Variants in DLGAP1 observed in about 807,000 individuals in gnomAD.
DLGAP1 encodes the protein disks large-associated protein 1.
Under a neutral mutation model 90.8 loss-of-function variants are expected in DLGAP1, and 11 were observed. That is an observed-to-expected ratio of 0.12 (90% CI 0.08 to 0.20). The LOEUF is 0.20. DLGAP1 is among the 10% of genes least tolerant of loss of function. The pLI, the probability that DLGAP1 is intolerant of heterozygous loss-of-function variation, is 1.00. For synonymous variants in DLGAP1, 558 were observed against 540.7 expected, an observed-to-expected ratio of 1.03 and a Z score of -0.44; for missense variants, 1,050 against 1,333.8, an observed-to-expected ratio of 0.79 and a Z score of 3.31.
At chr18:4,145,007 G>A (rs558374940) in intron 2 of DLGAP1, among the ~76,000 whole-genome samples, 1 of 152,054 alleles carries the variant, frequency 6.6e-6, no homozygotes, top group African/African-American at 2.4e-5. Context: ...TAACATTTAC[G>A]TTTCTTTCAG....
intron 10 of DLGAP1, among the ~76,000 whole-genome samples, chr18:3,521,168 A>G (rs188327957): frequency 6.6e-6 from 1 of 152,096 alleles, no homozygotes; most frequent in Non-Finnish European, 1.5e-5. Flanking sequence ...TGTCTCCCCA[A>G]ATCTGTGTTC....
intron 5 of DLGAP1, among the ~76,000 whole-genome samples, chr18:3,768,462 T>C (rs543588139): frequency 1.3e-4 from 20 of 152,208 alleles, no homozygotes; most frequent in Non-Finnish European, 7.4e-5. Flanking sequence ...TAAAAATTTG[T>C]ATGGAAAGTC....
intron 2 of DLGAP1, among the ~76,000 whole-genome samples, chr18:4,033,683 G>A (rs2074836828): frequency 6.6e-6 from 1 of 150,854 alleles, no homozygotes. Context: ...TAATTCGGGT[G>A]AAAAATGGTA....
chr18:4,415,024 T>C (rs1195039211), intron 1 of DLGAP1, among the ~76,000 whole-genome samples: 1 of 142,166 alleles, frequency 7.0e-6, no homozygotes. Flanking sequence ...AATTGAAATA[T>C]ACATATATAT....
At chr18:3,993,289 C>A (rs1451722179) in intron 3 of DLGAP1, 2 of 151,970 alleles carry the variant, frequency 1.3e-5, no homozygotes, top group African/African-American at 4.8e-5. Context: ...ATGGAGAGGA[C>A]TCTTAGAAAA....
At chr18:3,791,843 T>C (rs576333658) in intron 5 of DLGAP1, among the ~76,000 whole-genome samples, 26 of 152,160 alleles carry the variant, frequency 1.7e-4, no homozygotes, top group African/African-American at 6.0e-4. Context: ...GCTCAGGAGG[T>C]TGAGGCTGCA....
intron 4 of DLGAP1, among the ~76,000 whole-genome samples, chr18:3,839,493 A>G (rs1049914291): frequency 6.6e-6 from 1 of 152,156 alleles, no homozygotes; most frequent in Non-Finnish European, 1.5e-5. Context: ...GTGATGGGAA[A>G]GACTTTGGCA....
chr18:4,289,728 A>C (rs896338262), intron 1 of DLGAP1, among the ~76,000 whole-genome samples: 14 of 152,180 alleles, frequency 9.2e-5, no homozygotes, highest in Non-Finnish European at 1.9e-4. Context: ...TTAATGTTTA[A>C]ATTTTAAATT....
At chr18:4,384,695 G>A (rs559626358) in intron 1 of DLGAP1, among the ~76,000 whole-genome samples, 1 of 151,776 alleles carries the variant, frequency 6.6e-6, no homozygotes, top group Admixed American at 6.6e-5. Flanking sequence ...CCGACCAATC[G>A]AGAAAGACTA....
intron 1 of DLGAP1, among the ~76,000 whole-genome samples, chr18:4,347,680 T>C (rs994569308): frequency 6.6e-6 from 1 of 152,032 alleles, no homozygotes; most frequent in Admixed American, 6.6e-5. Context: ...AAAATATATA[T>C]TTGTCAATGC....
chr18:3,977,434 G>GTGTTTTTTTTTTTTTTTTTTTTTTTTTTT (rs1555718019), intron 3 of DLGAP1, among the ~76,000 whole-genome samples: 14 of 95,340 alleles, frequency 1.5e-4, no homozygotes, highest in African/African-American at 5.8e-4. Context: ...TTTATTCTGT[G>GTGTTTTTTTTTTTTTTTTTTTTTTTTTTT]TTTTTTTTTT....
intron 2 of DLGAP1, among the ~76,000 whole-genome samples, chr18:4,123,494 A>G (rs898892807): frequency 2.6e-5 from 4 of 152,190 alleles, no homozygotes; most frequent in African/African-American, 9.6e-5. Flanking sequence ...TGTGGGACAG[A>G]AACAATGTTC....
chr18:4,343,293 C>A (rs554823773), intron 1 of DLGAP1, among the ~76,000 whole-genome samples: 1 of 134,434 alleles, frequency 7.4e-6, no homozygotes, highest in African/African-American at 2.8e-5. Context: ...GGCGACAGAG[C>A]AACACTCCTT....
rs2073217269 is a variant in DLGAP1 at position 3,962,322 on chromosome 18, A to G, written c.-73+42794T>C. The stretch of plus-strand genomic sequence containing the variant: ...TTAAATTTGAGTTTGAACTGGTAAC[A>G]AACTAGTATTCATTTTCCCTGAGCA... On this transcript the variant is annotated intron_variant, in intron 3 of 12. Transcript: ENST00000315677. 3 of 152,190 alleles carry G rather than the reference A, an allele frequency of 2.0e-5. No individual in the cohort carries two copies. The South Asian group carries it at 6.2e-4, about 32-fold the overall frequency. 9.4% of individuals were successfully genotyped at this position (152,190 alleles called of 1,614,324 possible). A position where few individuals can be genotyped will look rare whatever the true frequency, so the allele number is the denominator to read the frequency against.
chr18:3,600,951 GATATATATAGATATATAGATAGATAT>G (rs1568279625), intron 7 of DLGAP1, among the ~76,000 whole-genome samples: 3 of 59,468 alleles, frequency 5.0e-5, no homozygotes, highest in African/African-American at 2.1e-4. Context: ...TAGATATATA[GATATATATAGATATATAGATAGATAT>G]ATAGATATAG....
At chr18:4,291,042 A>G in intron 1 of DLGAP1, among the ~76,000 whole-genome samples, 1 of 152,224 alleles carries the variant, frequency 6.6e-6, no homozygotes, top group East Asian at 1.9e-4. Flanking sequence ...GGAAGACCTT[A>G]GAATCTAGGT....
At chr18:3,579,846 G>A (rs372379898) in intron 8 of DLGAP1, among the ~76,000 whole-genome samples, 8 of 152,318 alleles carry the variant, frequency 5.3e-5, no homozygotes, top group Admixed American at 2.6e-4. Flanking sequence ...TCATGATGCT[G>A]TGATGTGTGT....
Position 3,765,117 on chromosome 18 carries a change from C to G in DLGAP1, c.1173-22605G>C, listed in dbSNP as rs2064158245. ...CAGAATCTCCATGCACACTTGCAAA[C>G]TTTTTTTTTTTTCTTTTTTTTTTTT... On this transcript the variant is annotated intron_variant, in intron 5 of 12. Coordinates refer to ENST00000315677, the MANE Select transcript of DLGAP1 (RefSeq NM_004746.4). Among the ~76,000 whole-genome samples the G allele has an allele frequency of 3.2e-5, 4 of 126,414 alleles. No homozygotes were observed. The Admixed American group carries it at 3.4e-4, about 11-fold the overall frequency. 82.9% of individuals were successfully genotyped at this position (126,414 alleles called of 152,430 possible). A position where few individuals can be genotyped will look rare whatever the true frequency, so the allele number is the denominator to read the frequency against.
At chr18:4,274,514 A>C (rs1247755057) in intron 1 of DLGAP1, among the ~76,000 whole-genome samples, 1 of 152,202 alleles carries the variant, frequency 6.6e-6, no homozygotes, top group Admixed American at 6.5e-5. Context: ...TCTAACTTAA[A>C]ATAGAAATAA....
Sources: gnomAD v4.1 joint callset for allele counts (sites outside exome capture counted in the v4.1 genomes callset) on GRCh38, gnomAD v4.1.1 for gene constraint, MANE v1.5 for transcripts, NCBI Gene and HGNC (gene_info 2026-07-23, HGNC 2026-07-21) for gene names.